Variants in TRPC4 observed in about 807,000 individuals in gnomAD.
TRPC4 encodes the protein short transient receptor potential channel 4.
A neutral mutation model predicts 99.4 loss-of-function variants in TRPC4; 49 were observed. The ratio of observed to expected loss-of-function variants is 0.49; its 90% CI spans 0.39 to 0.63. The LOEUF is 0.63. TRPC4 is among the 20% of genes least tolerant of loss of function. The pLI is 0.00. For synonymous variants in TRPC4, 454 were observed against 425.9 expected (o/e 1.07, Z -0.81); for missense variants, 898 against 1,152.9 (o/e 0.78, Z 3.20).
At chr13:37,655,365 T>TTATATA (rs61181512) in intron 6 of TRPC4, 82 bp from the exon 7 acceptor site, 5,117 of 370,520 alleles carry the variant, frequency 0.014, 100 homozygotes, top group Admixed American at 0.064. Flanking sequence ...CTTGGCATGA[T>TTATATA]TATATATATA....
intron 1 of TRPC4, among the ~76,000 whole-genome samples, chr13:37,803,731 AG>A (rs1303724668): frequency 6.6e-6 from 1 of 152,038 alleles, no homozygotes. Context: ...TGTTGGAGGT[AG>A]GGGGCTGGTT....
intron 8 of TRPC4, among the ~76,000 whole-genome samples, chr13:37,646,626 C>T (rs1279323944): frequency 6.6e-6 from 1 of 152,206 alleles, no homozygotes; most frequent in Middle Eastern, 3.4e-3. Context: ...TGGTAGATAC[C>T]AATGCTGTCT....
At chr13:37,711,246 A>G (rs1954474646) in intron 3 of TRPC4, among the ~76,000 whole-genome samples, 1 of 152,020 alleles carries the variant, frequency 6.6e-6, no homozygotes, top group African/African-American at 2.4e-5. Context: ...AAGATAATAT[A>G]TTCCATGAAT....
At chr13:37,850,963 TA>T (rs1169738564) in intron 1 of TRPC4, among the ~76,000 whole-genome samples, 1 of 152,208 alleles carries the variant, frequency 6.6e-6, no homozygotes, top group Non-Finnish European at 1.5e-5. Flanking sequence ...GTTAAAATCT[TA>T]TTGTTTGCAG....
At chr13:37,718,781 C>A (rs1954762037) in intron 3 of TRPC4, among the ~76,000 whole-genome samples, 1 of 151,828 alleles carries the variant, frequency 6.6e-6, no homozygotes, top group African/African-American at 2.4e-5. Flanking sequence ...CCTTAAGTAT[C>A]CATGGGATAA....
At chr13:37,763,844 C>T (rs1175770246) in intron 2 of TRPC4, among the ~76,000 whole-genome samples, 3 of 151,542 alleles carry the variant, frequency 2.0e-5, no homozygotes, top group Non-Finnish European at 3.0e-5. Context: ...GAAATTTTGA[C>T]GTTGGAGGTA....
intron 1 of TRPC4, among the ~76,000 whole-genome samples, chr13:37,802,782 A>G (rs867841227): frequency 2.0e-5 from 3 of 152,124 alleles, no homozygotes; most frequent in Non-Finnish European, 4.4e-5. Context: ...TAATTAATAA[A>G]TGTTTTGGGA....
intron 2 of TRPC4, 69 bp downstream of exon 2, chr13:37,782,887 A>T: frequency 2.8e-6 from 3 of 1,074,794 alleles, no homozygotes; most frequent in Non-Finnish European, 3.6e-6. Flanking sequence ...AAAAAAAAAA[A>T]GAAAGAAAAG....
chr13:37,698,610 A>G (rs911797799), intron 3 of TRPC4, among the ~76,000 whole-genome samples: 2 of 152,190 alleles, frequency 1.3e-5, no homozygotes, highest in Non-Finnish European at 2.9e-5. Context: ...TTTAAAAGGA[A>G]TTGCATAGAA....
rs115491249 is a variant in TRPC4, at chr13:37,644,973, A to T, written c.2080-5674T>A. ...GGTTGTGAGTTGTGTTTAAGACAGA[A>T]AAAATGGATTTTGTGACAAATCAAG... On this transcript the variant is annotated intron_variant, in intron 8 of 10. Coordinates refer to ENST00000379705, the MANE Select transcript of TRPC4 (RefSeq NM_016179.4). 6.8e-3 allele frequency among the ~76,000 whole-genome samples: 1,040 copies of T among 151,952 alleles called. 11 individuals carry two copies. The highest frequency in any genetic ancestry group is 0.023 in the African/African-American group (963 of 41,422).
At chr13:37,706,595 A>G (rs1321825249) in intron 3 of TRPC4, among the ~76,000 whole-genome samples, 2 of 151,960 alleles carry the variant, frequency 1.3e-5, no homozygotes, top group Non-Finnish European at 2.9e-5. Flanking sequence ...ATCATTTAGC[A>G]TCAGGTATAT....
At chr13:37,698,756 C>T (rs188173897) in intron 3 of TRPC4, among the ~76,000 whole-genome samples, 6 of 152,202 alleles carry the variant, frequency 3.9e-5, no homozygotes, top group African/African-American at 7.2e-5. Flanking sequence ...ACAGTGTAAT[C>T]GCAGGCAAAG....
At chr13:37,812,310 T>A (rs997092068) in intron 1 of TRPC4, among the ~76,000 whole-genome samples, 4 of 151,238 alleles carry the variant, frequency 2.6e-5, no homozygotes, top group Admixed American at 6.6e-5. Flanking sequence ...ATAGTATCTA[T>A]CATCTAATCA....
At chr13:37,643,599 G>A (rs1951788194) in intron 8 of TRPC4, among the ~76,000 whole-genome samples, 1 of 152,196 alleles carries the variant, frequency 6.6e-6, no homozygotes, top group African/African-American at 2.4e-5. Flanking sequence ...GGGTTAGAAA[G>A]TGAGAGGCAC....
At chr13:37,696,393 T>C (rs1953905466) in intron 3 of TRPC4, among the ~76,000 whole-genome samples, 1 of 152,086 alleles carries the variant, frequency 6.6e-6, no homozygotes, top group Non-Finnish European at 1.5e-5. Context: ...AAGCAGAAAA[T>C]AATTTAAAAT....
intron 1 of TRPC4, among the ~76,000 whole-genome samples, chr13:37,818,844 T>C (rs1957935045): frequency 6.6e-6 from 1 of 151,948 alleles, no homozygotes; most frequent in Non-Finnish European, 1.5e-5. Context: ...GAGAAATACC[T>C]AATGTAGATG....
intron 6 of TRPC4, among the ~76,000 whole-genome samples, chr13:37,659,251 A>C (rs1173687996): frequency 6.6e-6 from 1 of 152,062 alleles, no homozygotes; most frequent in African/African-American, 2.4e-5. Context: ...GAGTTCTCAC[A>C]CTATCAGTTC....
intron 6 of TRPC4, 121 bp downstream of exon 6, chr13:37,663,295 T>A (rs1952515057): frequency 1.1e-6 from 1 of 917,592 alleles, no homozygotes; most frequent in Non-Finnish European, 1.6e-6. Context: ...TTTTCTGCAT[T>A]AAGCACAATT....
At chr13:37,682,629 C>A (rs1040707393) in intron 4 of TRPC4, among the ~76,000 whole-genome samples, 4 of 152,140 alleles carry the variant, frequency 2.6e-5, no homozygotes, top group African/African-American at 9.7e-5. Flanking sequence ...GCATCAGGAC[C>A]CTATCTGTTC....
Sources: allele counts gnomAD v4.1 joint callset (sites outside exome capture counted in the v4.1 genomes callset), GRCh38; gene constraint gnomAD v4.1.1; transcripts MANE v1.5; gene names NCBI Gene and HGNC (gene_info 2026-07-23, HGNC 2026-07-21).